Variants in C1QTNF7 observed in about 807,000 individuals in gnomAD.
C1QTNF7 encodes C1q and TNF related 7, also known as complement C1q tumor necrosis factor-related protein 7.
Under a neutral mutation model 19.6 loss-of-function variants are expected in C1QTNF7, and 15 were observed. The observed-to-expected ratio is 0.76, with a 90% CI of 0.51 to 1.18. The LOEUF is 1.18. C1QTNF7 is among the 50% of genes most tolerant of loss of function. The pLI is 0.00. For synonymous variants in C1QTNF7, 142 were observed against 137.5 expected (o/e 1.03, Z -0.23); for missense variants, 324 against 359.7 (o/e 0.90, Z 0.80).
rs779357256 is a variant in C1QTNF7 at position 15,435,798 on chromosome 4, C to T, written c.55C>T (p.Arg19Trp). Residue 19 changes from arginine to tryptophan, a missense_variant, in exon 2 of 3, where the codon CGG (arginine) becomes TGG (tryptophan). By Grantham distance (101) the Arg-to-Trp change is moderately radical. Transcript: ENST00000444304. ...SFAICASGQPRGNQLKGENYS... is the reference protein window; with the variant it reads ...SFAICASGQPWGNQLKGENYS... ...TGCCATTTGTGCCAGTGGACAACCC[C>T]GGGGTAATCAGTTGAAAGGAGAGAA... 3.8e-5 allele frequency: 61 copies of T among 1,614,012 alleles called. No individual in the cohort carries two copies. Among genetic ancestry groups the T allele is most frequent in the Non-Finnish European group, 5.0e-5 (59 of 1,180,038 alleles).
intron 1 of C1QTNF7, among the ~76,000 whole-genome samples, chr4:15,387,497 G>A (rs1718382907): frequency 6.6e-6 from 1 of 152,148 alleles, no homozygotes; most frequent in Non-Finnish European, 1.5e-5. Context: ...CTGGAAAAAA[G>A]GGCAATGAGG....
At chr4:15,430,189 A>T (rs1018837594) in intron 1 of C1QTNF7, among the ~76,000 whole-genome samples, 1 of 152,230 alleles carries the variant, frequency 6.6e-6, no homozygotes, top group African/African-American at 2.4e-5. Context: ...AATTTTTTAA[A>T]TGTGTTTTAA....
intron 1 of C1QTNF7, among the ~76,000 whole-genome samples, chr4:15,397,163 G>A (rs554043446): frequency 4.5e-4 from 69 of 152,202 alleles, no homozygotes; most frequent in African/African-American, 1.5e-3. Context: ...TGATTCCACC[G>A]GGTCCCTCCC....
At chr4:15,354,308 G>A (rs1351729971) in intron 1 of C1QTNF7, among the ~76,000 whole-genome samples, 3 of 152,182 alleles carry the variant, frequency 2.0e-5, no homozygotes, top group African/African-American at 7.2e-5. Flanking sequence ...TTGGATAAGA[G>A]AATACAGGAG....
chr4:15,351,212 A>T (rs1716924054), intron 1 of C1QTNF7, among the ~76,000 whole-genome samples: 1 of 152,176 alleles, frequency 6.6e-6, no homozygotes, highest in Non-Finnish European at 1.5e-5. Context: ...TAAAATCATA[A>T]AATATAAGAT....
chr4:15,383,504 C>G (rs908534539), intron 1 of C1QTNF7, among the ~76,000 whole-genome samples: 1 of 152,192 alleles, frequency 6.6e-6, no homozygotes, highest in Non-Finnish European at 1.5e-5. Flanking sequence ...CAATTTATAT[C>G]CTCCATTGTC....
At chr4:15,430,896 A>G (rs918556843) in intron 1 of C1QTNF7, among the ~76,000 whole-genome samples, 1 of 152,222 alleles carries the variant, frequency 6.6e-6, no homozygotes, top group African/African-American at 2.4e-5. Flanking sequence ...TCAGGACCTT[A>G]AAGTGGTGAA....
At chr4:15,350,285 GGGAA>G (rs1365990516) in intron 1 of C1QTNF7, among the ~76,000 whole-genome samples, 1 of 28,916 alleles carries the variant, frequency 3.5e-5, no homozygotes, top group Non-Finnish European at 9.8e-5. Flanking sequence ...AAGGAAGGAA[GGGAA>G]GAAGGAAGGA....
In C1QTNF7 at chr4:15,411,989, C is replaced by G. The variant is rs1719419935; in HGVS notation, c.14-23747C>G. ...CTTCATCTGTATTTACAGCTGCTCCCCATCACTCACATTACCACCTGAGCT... is the reference window on the plus strand; with the variant it reads ...CTTCATCTGTATTTACAGCTGCTCCGCATCACTCACATTACCACCTGAGCT... On this transcript the variant is annotated intron_variant, in intron 1 of 2. Transcript: ENST00000295297. Among the ~76,000 whole-genome samples, 2 of 152,106 alleles carry G rather than the reference C, an allele frequency of 1.3e-5. 1 individual carries two copies. Among genetic ancestry groups the G allele is most frequent in the South Asian group, 4.2e-4 (2 of 4,810 alleles).
At chr4:15,357,236 C>T (rs1248632404) in intron 1 of C1QTNF7, among the ~76,000 whole-genome samples, 1 of 152,182 alleles carries the variant, frequency 6.6e-6, no homozygotes, top group Non-Finnish European at 1.5e-5. Context: ...TTAGGTCTTA[C>T]ATTTAAGTCT....
In C1QTNF7 at chr4:15,442,836, A is replaced by C; in HGVS notation, c.*37A>C. On this transcript the variant is annotated 3_prime_UTR_variant, in exon 3 of 3. Coordinates refer to ENST00000444304, the MANE Select transcript of C1QTNF7 (RefSeq NM_031911.5). ...ATCCCTGTGGTAAACACTCTGATTG[A>C]ATCTGGGGTTCCAGAAGGTGGAACA... is the stretch of plus-strand genomic sequence containing the variant. 1 of 1,529,218 alleles carries C rather than the reference A, an allele frequency of 6.5e-7. No individual in the cohort carries two copies. The highest frequency in any genetic ancestry group is 2.3e-5 in the East Asian group (1 of 44,178). The allele number at this position is 1,529,218 out of a possible 1,614,324, so 94.7% of individuals were successfully genotyped here. A position where few individuals can be genotyped will look rare whatever the true frequency, so the allele number is the denominator to read the frequency against.
upstream of C1QTNF7, among the ~76,000 whole-genome samples, chr4:15,423,194 C>T (rs1353965363): frequency 6.6e-6 from 1 of 152,192 alleles, no homozygotes; most frequent in Non-Finnish European, 1.5e-5. Context: ...TCACTTCTTA[C>T]TGAATCTGGC....
chr4:15,418,977 GC>G (rs1711600510), intron 1 of C1QTNF7, among the ~76,000 whole-genome samples: 1 of 152,182 alleles, frequency 6.6e-6, no homozygotes, highest in Non-Finnish European at 1.5e-5. Context: ...TGTGGAACAA[GC>G]TTTGACGTTC....
At chr4:15,434,935 G>A in intron 1 of C1QTNF7, among the ~76,000 whole-genome samples, 1 of 152,146 alleles carries the variant, frequency 6.6e-6, no homozygotes, top group Non-Finnish European at 1.5e-5. Context: ...GACATGCACA[G>A]TACCCCAATT....
chr4:15,352,189 T>C (rs1205579790), intron 1 of C1QTNF7, among the ~76,000 whole-genome samples: 1 of 152,174 alleles, frequency 6.6e-6, no homozygotes, highest in Non-Finnish European at 1.5e-5. Flanking sequence ...TTAACTGCTA[T>C]TGATTAAATT....
intron 1 of C1QTNF7, among the ~76,000 whole-genome samples, chr4:15,431,386 G>C (rs971326025): frequency 1.3e-5 from 2 of 152,214 alleles, no homozygotes; most frequent in Non-Finnish European, 2.9e-5. Flanking sequence ...CAGCTCTAGG[G>C]AGGGAACCTG....
chr4:15,420,009 T>C (rs915010981), intron 1 of C1QTNF7: 1 of 152,212 alleles, frequency 6.6e-6, no homozygotes, highest in African/African-American at 2.4e-5. Context: ...TATCTATTAA[T>C]AGGAGTCACA....
intron 1 of C1QTNF7, among the ~76,000 whole-genome samples, chr4:15,431,052 T>TA (rs1169077226): frequency 2.1e-5 from 3 of 144,918 alleles, no homozygotes; most frequent in Non-Finnish European, 4.5e-5. Context: ...GATAGATAGA[T>TA]GATAGATAGA....
chr4:15,390,040 T>G (rs1335979240), intron 1 of C1QTNF7, among the ~76,000 whole-genome samples: 1 of 152,218 alleles, frequency 6.6e-6, no homozygotes. Flanking sequence ...CCATTATGCC[T>G]ATAATTTCAG....
Sources: allele counts gnomAD v4.1 joint callset (sites outside exome capture counted in the v4.1 genomes callset), GRCh38; gene constraint gnomAD v4.1.1; transcripts MANE v1.5; gene names NCBI Gene and HGNC (gene_info 2026-07-23, HGNC 2026-07-21).